NOS1: variants seen among roughly 807,000 people sequenced by gnomAD.
NOS1 encodes the protein nitric oxide synthase 1.
A neutral mutation model predicts 164.5 loss-of-function variants in NOS1; 51 were observed. The ratio of observed to expected loss-of-function variants is 0.31; its 90% CI spans 0.25 to 0.39. The LOEUF is 0.39. NOS1 is among the 10% of genes least tolerant of loss of function. The probability of loss-of-function intolerance (pLI) is 1.00; values close to 1 mark genes in which losing one functional copy is unlikely to be tolerated. For missense variants in NOS1, 1,362 were observed against 1,885.6 expected, an observed-to-expected ratio of 0.72 and a Z score of 5.14; for synonymous variants, 719 against 745.8, an observed-to-expected ratio of 0.96 and a Z score of 0.59.
intron 1 of NOS1, among the ~76,000 whole-genome samples, chr12:117,345,434 C>T (rs568193821): frequency 1.3e-5 from 2 of 152,210 alleles, no homozygotes; most frequent in African/African-American, 4.8e-5. Flanking sequence ...AAAAATTATC[C>T]GCCTCCTGAG....
Position 117,212,435 on chromosome 12 carries a change from CA to C in NOS1, c.*2873del, listed in dbSNP as rs1956543667. 1 of 985,280 alleles carries C rather than the reference CA, an allele frequency of 1.0e-6. No homozygotes were observed. The highest frequency in any genetic ancestry group is 1.2e-6 in the Non-Finnish European group (1 of 829,942). 61.0% of individuals were successfully genotyped at this position (985,280 alleles called of 1,614,324 possible). A position where few individuals can be genotyped will look rare whatever the true frequency, so the allele number is the denominator to read the frequency against. ...CCTGGCTGTCTCACTCCAGGGAAAC[CA>C]AAAGAAGCCCTCTCTCCTCCCAAGG... is the stretch of plus-strand genomic sequence containing the variant. On this transcript the variant is annotated 3_prime_UTR_variant, in exon 29 of 29. Coordinates refer to ENST00000317775, the MANE Select transcript of NOS1 (RefSeq NM_000620.5).
At chr12:117,348,345 C>G (rs11068454) in intron 1 of NOS1, 2 of 152,058 alleles carry the variant, frequency 1.3e-5, no homozygotes, top group African/African-American at 2.4e-5. Context: ...TTTACTGACA[C>G]GTGACTCGGT....
intron 1 of NOS1, among the ~76,000 whole-genome samples, chr12:117,349,832 C>T (rs1172183905): frequency 1.3e-5 from 2 of 152,180 alleles, no homozygotes; most frequent in Admixed American, 1.3e-4. Flanking sequence ...CAAGGATACC[C>T]CTGCCTCAGC....
At chr12:117,238,635 G>A (rs1869917092) in intron 20 of NOS1, among the ~76,000 whole-genome samples, 1 of 152,062 alleles carries the variant, frequency 6.6e-6, no homozygotes, top group Non-Finnish European at 1.5e-5. Context: ...TCCTGCCTCA[G>A]CTTCCTGAGT....
At chr12:117,353,887 C>A (rs905800761) in intron 1 of NOS1, among the ~76,000 whole-genome samples, 13 of 152,044 alleles carry the variant, frequency 8.6e-5, no homozygotes, top group Non-Finnish European at 1.3e-4. Flanking sequence ...ATCATTTGAG[C>A]CCAGGAGTTC....
chr12:117,278,015 A>G lies in NOS1; in HGVS notation c.1608T>C (p.Pro536=). Reference sequence around the variant, plus strand: ...GCTCTGGAGGAATCTGGAAGAGCTCAGGGTCATTGCCGTTGGCCTGAAGCA... The same window carrying G: ...GCTCTGGAGGAATCTGGAAGAGCTCGGGGTCATTGCCGTTGGCCTGAAGCA... ...PLLLQANGND[P]ELFQIPPELV... The change falls in exon 9 of 29, where the codon CCT becomes CCC. Residue 536 remains proline (P), a synonymous_variant. Coordinates refer to ENST00000317775, the MANE Select transcript of NOS1 (RefSeq NM_000620.5). 1.9e-6 allele frequency: 3 copies of G among 1,614,164 alleles called. No individual in the cohort carries two copies. The highest frequency in any genetic ancestry group is 2.5e-6 in the Non-Finnish European group (3 of 1,179,980).
chr12:117,230,102 G>C (rs1236295619), intron 22 of NOS1, among the ~76,000 whole-genome samples: 1 of 151,968 alleles, frequency 6.6e-6, no homozygotes, highest in Non-Finnish European at 1.5e-5. Context: ...TTTTTTTGTA[G>C]AGATGGGGTC....
intron 22 of NOS1, among the ~76,000 whole-genome samples, chr12:117,231,671 G>A (rs1256215647): frequency 6.6e-6 from 1 of 152,214 alleles, no homozygotes; most frequent in Non-Finnish European, 1.5e-5. Context: ...GGCTAAGATG[G>A]CACTAATGGA....
At position 117,265,431 on chromosome 12, in the gene NOS1, C is replaced by A; in HGVS notation, c.2021G>T (p.Arg674Leu). The A allele has an allele frequency of 6.3e-7, 1 of 1,590,394 alleles. No homozygotes were observed. The highest frequency in any genetic ancestry group is 1.2e-5 in the South Asian group (1 of 84,908). The change falls in exon 12 of 29, where the codon CGG becomes CTG. Residue 674 changes from arginine (R) to leucine (L), a missense_variant. By Grantham distance (102) the Arg-to-Leu change is moderately radical. Transcript: ENST00000317775. ...IKHMENEYRC[R>L]GGCPADWVWI... ...CACCCAGTCGGCAGGGCAGCCCCCC[C>A]GGCAGCGGTACTCATTCTCCATGTG...
At chr12:117,260,997 G>A (rs1228548427) in intron 13 of NOS1, among the ~76,000 whole-genome samples, 4 of 151,762 alleles carry the variant, frequency 2.6e-5, no homozygotes, top group South Asian at 2.1e-4. Flanking sequence ...GTGAAACTCC[G>A]TCTCTACTAA....
chr12:117,225,186 C>G (rs1202248419), intron 24 of NOS1, 49 bp from the exon 25 acceptor site: 1 of 1,572,186 alleles, frequency 6.4e-7, no homozygotes, highest in South Asian at 1.2e-5. Flanking sequence ...CAAATCCAAT[C>G]AAGAACAATT....
chr12:117,340,873 A>T (rs1966119), intron 1 of NOS1, among the ~76,000 whole-genome samples: 12,811 of 104,428 alleles, frequency 0.12, 934 homozygotes, highest in South Asian at 0.28. Context: ...ACACCTGGCT[A>T]TTTTTTTTTT....
chr12:117,211,543 G>A lies in NOS1; in HGVS notation c.*3766C>T. 1.0e-6 allele frequency: 1 copy of A among 985,196 alleles called. No individual in the cohort carries two copies. The highest frequency in any genetic ancestry group is 1.1e-4 in the East Asian group (1 of 8,808). 61.0% of individuals were successfully genotyped at this position (985,196 alleles called of 1,614,324 possible). The stretch of plus-strand genomic sequence containing the variant: ...GAATAAAGCCTAAATTTCTTGTAAT[G>A]CCACTCACCTCTCCCCACGGTCTGG... On this transcript the variant is annotated 3_prime_UTR_variant, in exon 29 of 29. Transcript: ENST00000317775.
chr12:117,233,529 G>A (rs1451472762), intron 21 of NOS1, among the ~76,000 whole-genome samples: 5 of 151,566 alleles, frequency 3.3e-5, no homozygotes, highest in East Asian at 2.0e-4. Flanking sequence ...TGTCTCAGCC[G>A]GGTGCGGTGG....
At chr12:117,225,486 C>T (rs1868588774) in intron 24 of NOS1, among the ~76,000 whole-genome samples, 1 of 152,082 alleles carries the variant, frequency 6.6e-6, no homozygotes, top group African/African-American at 2.4e-5. Flanking sequence ...AGCAACATCC[C>T]CGGCTTCCAC....
chr12:117,316,199 T>C (rs1874659357), intron 2 of NOS1, among the ~76,000 whole-genome samples: 1 of 152,144 alleles, frequency 6.6e-6, no homozygotes, highest in South Asian at 2.1e-4. Flanking sequence ...AGACTGGGAA[T>C]TGAAGGCACA....
At chr12:117,216,923 CT>C in intron 28 of NOS1, among the ~76,000 whole-genome samples, 1 of 152,190 alleles carries the variant, frequency 6.6e-6, no homozygotes, top group Non-Finnish European at 1.5e-5. Flanking sequence ...GAGTGTATGC[CT>C]TGTGTTGTTG....
At chr12:117,258,326 C>T in intron 16 of NOS1, 71 bp downstream of exon 16, 2 of 1,479,072 alleles carry the variant, frequency 1.4e-6, no homozygotes, top group Non-Finnish European at 1.9e-6. Flanking sequence ...AATGTGAACC[C>T]CAGGTGCCAA....
chr12:117,288,957 C>T (rs955324388), intron 4 of NOS1, among the ~76,000 whole-genome samples: 7 of 152,162 alleles, frequency 4.6e-5, no homozygotes, highest in Non-Finnish European at 8.8e-5. Flanking sequence ...TCACCAAAAT[C>T]AACAGAGTCT....
Sources: gnomAD v4.1 joint callset for allele counts (sites outside exome capture counted in the v4.1 genomes callset) on GRCh38, gnomAD v4.1.1 for gene constraint, MANE v1.5 for transcripts, NCBI Gene and HGNC (gene_info 2026-07-23, HGNC 2026-07-21) for gene names.